DIAPH2: variants seen among roughly 807,000 people sequenced by gnomAD.
The protein encoded by DIAPH2 is protein diaphanous homolog 2.
A neutral mutation model predicts 92.7 loss-of-function variants in DIAPH2; 35 were observed. The ratio of observed to expected loss-of-function variants is 0.38; its 90% CI spans 0.29 to 0.50. The LOEUF (loss-of-function observed/expected upper bound fraction) is 0.50, where lower values mean the gene tolerates loss of function less well. Ranked by LOEUF, DIAPH2 falls within the 20% of genes least tolerant of loss-of-function variation. DIAPH2 has a pLI of 0.94. For synonymous variants in DIAPH2, 301 were observed against 280.4 expected, an observed-to-expected ratio of 1.07 and a Z score of -0.73; for missense variants, 701 against 819.5, an observed-to-expected ratio of 0.86 and a Z score of 1.77.
intron 23 of DIAPH2, among the ~76,000 whole-genome samples, chrX:97,256,292 AG>A (rs1305821386): frequency 8.9e-6 from 1 of 112,604 alleles, no homozygotes; most frequent in Non-Finnish European, 1.9e-5. Context: ...GTAGATGTAA[AG>A]CCATTTTGGT....
chrX:96,794,681 G>A (rs1253621678), intron 4 of DIAPH2, among the ~76,000 whole-genome samples: 28 of 111,929 alleles, frequency 2.5e-4, no homozygotes, highest in Admixed American at 2.5e-3. Context: ...ACAGACTCTA[G>A]AGAATGTCTC....
intron 21 of DIAPH2, among the ~76,000 whole-genome samples, chrX:97,136,501 A>G (rs917845783): frequency 5.4e-5 from 6 of 111,844 alleles, no homozygotes; most frequent in African/African-American, 1.9e-4. Context: ...ATGAGTTGTA[A>G]AGAACCATTT....
chrX:97,548,712 T>C (rs1023102022), intron 26 of DIAPH2, among the ~76,000 whole-genome samples: 2 of 112,445 alleles, frequency 1.8e-5, no homozygotes, highest in Non-Finnish European at 3.8e-5. Context: ...CTGTGCAAAG[T>C]GATACCTTAA....
In DIAPH2 at chrX:97,481,512, G is replaced by A. The variant is rs745513385; in HGVS notation, c.3241+51767G>A. 6.1e-4 allele frequency among the ~76,000 whole-genome samples: 68 copies of A among 111,660 alleles called. 1 individual carries two copies. In the Middle Eastern group the frequency reaches 0.019, roughly 31 times the overall value. On this transcript the variant is annotated intron_variant, in intron 26 of 26. Transcript: ENST00000324765. ...GGAATTTGATCAGATAATCAAGGGTGAGGGATCTGCACTAAACTAACCCAG... is the reference window on the plus strand; with the variant it reads ...GGAATTTGATCAGATAATCAAGGGTAAGGGATCTGCACTAAACTAACCCAG...
intron 20 of DIAPH2, among the ~76,000 whole-genome samples, chrX:97,107,304 A>G (rs1433819822): frequency 9.0e-6 from 1 of 111,402 alleles, no homozygotes; most frequent in African/African-American, 3.3e-5. Flanking sequence ...TCAGTTTTCA[A>G]CACTCAATTT....
At chrX:97,449,401 T>C (rs377489393) in intron 26 of DIAPH2, among the ~76,000 whole-genome samples, 1 of 112,257 alleles carries the variant, frequency 8.9e-6, no homozygotes, top group Admixed American at 9.4e-5. Flanking sequence ...CCCAAGGCAA[T>C]TTGAAAACAG....
chrX:96,696,076 GT>G (rs1375328619), intron 1 of DIAPH2, among the ~76,000 whole-genome samples: 2 of 111,471 alleles, frequency 1.8e-5, no homozygotes, highest in Non-Finnish European at 3.8e-5. Flanking sequence ...TTAGGAGTTT[GT>G]TTCTGGTTAT....
chrX:97,090,413 C>T (rs778959158), intron 19 of DIAPH2, among the ~76,000 whole-genome samples: 2 of 105,427 alleles, frequency 1.9e-5, no homozygotes, highest in African/African-American at 3.5e-5. Flanking sequence ...CCGCCACGCC[C>T]GGGCCTAATG....
intron 4 of DIAPH2, among the ~76,000 whole-genome samples, chrX:96,854,983 T>A (rs1256340190): frequency 1.8e-5 from 2 of 110,370 alleles, no homozygotes; most frequent in Non-Finnish European, 3.8e-5. Flanking sequence ...ACTGAATGAA[T>A]ATTTTATAGC....
chrX:96,755,568 AC>A (rs1350862811), intron 3 of DIAPH2, among the ~76,000 whole-genome samples: 10 of 110,390 alleles, frequency 9.1e-5, no homozygotes, highest in African/African-American at 3.0e-4. Context: ...GAGGAGAATC[AC>A]TTGAACTTGG....
At chrX:97,559,960 G>T (rs1169848144) in intron 26 of DIAPH2, among the ~76,000 whole-genome samples, 3 of 111,657 alleles carry the variant, frequency 2.7e-5, no homozygotes, top group Non-Finnish European at 5.6e-5. Flanking sequence ...TCCCTCTCTA[G>T]TTCCATTAGA....
intron 25 of DIAPH2, among the ~76,000 whole-genome samples, chrX:97,416,788 G>C (rs2069950919): frequency 8.9e-6 from 1 of 111,808 alleles, no homozygotes; most frequent in African/African-American, 3.3e-5. Context: ...CCTCATCTTT[G>C]TTTTCTTGCA....
At chrX:96,840,216 A>G (rs774799087) in intron 4 of DIAPH2, among the ~76,000 whole-genome samples, 5 of 111,951 alleles carry the variant, frequency 4.5e-5, no homozygotes, top group Non-Finnish European at 9.4e-5. Flanking sequence ...AATGACTTCC[A>G]TATTGGACAG....
intron 17 of DIAPH2, among the ~76,000 whole-genome samples, chrX:97,044,613 T>C (rs1425126255): frequency 9.0e-6 from 1 of 111,276 alleles, no homozygotes; most frequent in Non-Finnish European, 1.9e-5. Flanking sequence ...GTGCCCTGGT[T>C]CCCATTCCTC....
At chrX:97,516,820 C>T (rs2070952459) in intron 26 of DIAPH2, among the ~76,000 whole-genome samples, 1 of 112,294 alleles carries the variant, frequency 8.9e-6, no homozygotes, top group Non-Finnish European at 1.9e-5. Flanking sequence ...TCAAGTGATC[C>T]TCCTGCCTCA....
At chrX:97,593,001 T>A (rs916288874) in intron 26 of DIAPH2, among the ~76,000 whole-genome samples, 1 of 112,093 alleles carries the variant, frequency 8.9e-6, no homozygotes, top group Non-Finnish European at 1.9e-5. Flanking sequence ...GTCATTGAGA[T>A]TAGAATAGGT....
At chrX:97,220,518 C>T (rs1011437404) in intron 22 of DIAPH2, among the ~76,000 whole-genome samples, 1 of 111,776 alleles carries the variant, frequency 8.9e-6, no homozygotes, top group African/African-American at 3.3e-5. Context: ...ACCACCCCAT[C>T]GCAGATTACA....
At chrX:97,518,570 G>GTA (rs748442573) in intron 26 of DIAPH2, among the ~76,000 whole-genome samples, 30 of 108,202 alleles carry the variant, frequency 2.8e-4, no homozygotes, top group East Asian at 5.7e-4. Flanking sequence ...ATATATGTGT[G>GTA]TATATATATA....
chrX:96,910,036 G>A (rs2065459600), intron 5 of DIAPH2, among the ~76,000 whole-genome samples: 1 of 111,061 alleles, frequency 9.0e-6, no homozygotes, highest in South Asian at 3.8e-4. Flanking sequence ...ATACCAAAGC[G>A]GATATTGAGG....
Sources: gnomAD v4.1 joint callset for allele counts (sites outside exome capture counted in the v4.1 genomes callset) on GRCh38, gnomAD v4.1.1 for gene constraint, MANE v1.5 for transcripts, NCBI Gene and HGNC (gene_info 2026-07-23, HGNC 2026-07-21) for gene names.